Variants in TPD52 observed in about 807,000 individuals in gnomAD.
TPD52 encodes the protein prostate and colon associated protein.
A neutral mutation model predicts 31.3 loss-of-function variants in TPD52; 17 were observed. That is an observed-to-expected ratio of 0.54 (90% CI 0.37 to 0.82). TPD52 has a LOEUF of 0.82. Ranked by LOEUF, TPD52 falls within the 40% of genes least tolerant of loss-of-function variation. The pLI, the probability that TPD52 is intolerant of heterozygous loss-of-function variation, is 0.00. For missense variants in TPD52, 212 were observed against 240.1 expected (o/e 0.88, Z 0.77); for synonymous variants, 83 against 89.6 (o/e 0.93, Z 0.42).
chr8:80,101,015 C>T (rs1806690133), intron 1 of TPD52, among the ~76,000 whole-genome samples: 1 of 152,198 alleles, frequency 6.6e-6, no homozygotes, highest in Admixed American at 6.5e-5. Flanking sequence ...TTCCTGAGCT[C>T]AGAGTGTTGC....
At chr8:80,071,283 T>C (rs897179735) in intron 1 of TPD52, among the ~76,000 whole-genome samples, 3 of 152,166 alleles carry the variant, frequency 2.0e-5, no homozygotes, top group Non-Finnish European at 2.9e-5. Flanking sequence ...ACTAGTTGGT[T>C]GATCTTCTTT....
At chr8:80,072,900 C>T (rs1408229431) in intron 1 of TPD52, among the ~76,000 whole-genome samples, 9 of 151,640 alleles carry the variant, frequency 5.9e-5, no homozygotes, top group Non-Finnish European at 7.4e-5. Flanking sequence ...GCCAGGAATT[C>T]GAGACCAGCC....
In TPD52 at chr8:80,077,552, C is replaced by G. The variant is rs955255189; in HGVS notation, c.20-12959G>C. 5.9e-5 allele frequency among the ~76,000 whole-genome samples: 9 copies of G among 152,202 alleles called. No homozygotes were observed. In the South Asian group the frequency reaches 6.2e-4, roughly 11 times the overall value. The stretch of plus-strand genomic sequence containing the variant: ...TAATCTGTTCTATAATATCCATTAC[C>G]AGAGAGGCTGAGATGTTGCGGTCTA... On this transcript the variant is annotated intron_variant, in intron 1 of 7. Transcript: ENST00000518937.
At chr8:80,155,453 G>T (rs1398350736) in intron 1 of TPD52, among the ~76,000 whole-genome samples, 2 of 152,202 alleles carry the variant, frequency 1.3e-5, no homozygotes, top group Admixed American at 6.5e-5. Context: ...GTGTCATGGG[G>T]TGTGAGTGCT....
At chr8:80,059,546 T>C (rs1299228029) in intron 2 of TPD52, among the ~76,000 whole-genome samples, 2 of 151,904 alleles carry the variant, frequency 1.3e-5, no homozygotes, top group Non-Finnish European at 1.5e-5. Context: ...CAACAGTGCA[T>C]TAAGGGTTAA....
At chr8:80,056,552 T>TA (rs1185756032) in intron 2 of TPD52, among the ~76,000 whole-genome samples, 1 of 152,142 alleles carries the variant, frequency 6.6e-6, no homozygotes, top group African/African-American at 2.4e-5. Context: ...AGGACTTAAA[T>TA]AGACATTTCT....
chr8:80,124,803 A>G (rs911720947), intron 1 of TPD52, among the ~76,000 whole-genome samples: 3 of 152,136 alleles, frequency 2.0e-5, no homozygotes, highest in African/African-American at 7.2e-5. Context: ...TTTGACCATT[A>G]AGACAAACAA....
intron 2 of TPD52, among the ~76,000 whole-genome samples, chr8:80,057,817 A>C (rs1812069208): frequency 6.6e-6 from 1 of 152,218 alleles, no homozygotes; most frequent in African/African-American, 2.4e-5. Flanking sequence ...TTTTTTAAAT[A>C]AAAAATTTAA....
intron 5 of TPD52, among the ~76,000 whole-genome samples, chr8:80,045,976 A>C (rs1487423917): frequency 6.6e-6 from 1 of 152,192 alleles, no homozygotes; most frequent in East Asian, 1.9e-4. Flanking sequence ...TGGTAGTATC[A>C]ACAAAATGTG....
intron 1 of TPD52, among the ~76,000 whole-genome samples, chr8:80,162,559 G>A (rs1811430207): frequency 6.6e-6 from 1 of 151,368 alleles, no homozygotes; most frequent in South Asian, 2.1e-4. Flanking sequence ...GGAGTTCAAG[G>A]CTACAATGAG....
chr8:80,137,236 G>A (rs1586372926), intron 1 of TPD52, among the ~76,000 whole-genome samples: 1 of 152,322 alleles, frequency 6.6e-6, no homozygotes, highest in East Asian at 1.9e-4. Flanking sequence ...AATAGACACA[G>A]GGTGATGAAA....
At chr8:80,096,431 A>G (rs1041845056) in intron 1 of TPD52, among the ~76,000 whole-genome samples, 3 of 151,978 alleles carry the variant, frequency 2.0e-5, no homozygotes, top group South Asian at 2.1e-4. Context: ...GCATGTTTAC[A>G]TGTACAGGCA....
intron 1 of TPD52, among the ~76,000 whole-genome samples, chr8:80,094,850 T>C (rs1372821925): frequency 6.6e-6 from 1 of 152,044 alleles, no homozygotes; most frequent in Non-Finnish European, 1.5e-5. Flanking sequence ...CCTGAAAATA[T>C]AAGCAAGACC....
chr8:80,154,113 G>A (rs1195811650), intron 1 of TPD52, among the ~76,000 whole-genome samples: 2 of 152,214 alleles, frequency 1.3e-5, no homozygotes, highest in Non-Finnish European at 2.9e-5. Flanking sequence ...ATAAGGTTAT[G>A]AAGTAGGAGT....
At position 80,106,549 on chromosome 8, in the gene TPD52, G is replaced by T. The variant is rs192967083; in HGVS notation, c.20-41956C>A. ...TTTTTTGTAGTTTTAGTAGAGAGGG[G>T]GTTTCACCGTGTTAGCCAGGATGGT... is the stretch of plus-strand genomic sequence containing the variant. On this transcript the variant is annotated intron_variant, in intron 1 of 7. Coordinates refer to ENST00000518937, the MANE Select transcript of TPD52 (RefSeq NM_001025253.3). 1.3e-3 allele frequency among the ~76,000 whole-genome samples: 193 copies of T among 151,944 alleles called. 1 individual carries two copies. The highest frequency in any genetic ancestry group is 2.1e-3 in the Admixed American group (32 of 15,258).
intron 5 of TPD52, among the ~76,000 whole-genome samples, chr8:80,045,591 G>T (rs1810765623): frequency 6.6e-6 from 1 of 152,196 alleles, no homozygotes; most frequent in Non-Finnish European, 1.5e-5. Context: ...AGTTCCCAAA[G>T]AAAGAATCGA....
At chr8:80,160,055 G>A (rs1018835041) in intron 1 of TPD52, among the ~76,000 whole-genome samples, 4 of 152,208 alleles carry the variant, frequency 2.6e-5, no homozygotes, top group African/African-American at 9.6e-5. Context: ...GCCAGGCATG[G>A]TGGTGTGCGC....
chr8:80,128,474 A>C (rs1048169811), intron 1 of TPD52, among the ~76,000 whole-genome samples: 2 of 134,464 alleles, frequency 1.5e-5, no homozygotes, highest in Non-Finnish European at 3.1e-5. Context: ...CCTGAGCAAC[A>C]CAAGGAGACC....
chr8:80,050,222 C>G (rs979150744), intron 5 of TPD52: 11 of 399,796 alleles, frequency 2.8e-5, no homozygotes, highest in Non-Finnish European at 4.9e-5. Context: ...TTCCATATCC[C>G]TTGAACCACA....
Sources: gnomAD v4.1 joint callset for allele counts (sites outside exome capture counted in the v4.1 genomes callset) on GRCh38, gnomAD v4.1.1 for gene constraint, MANE v1.5 for transcripts, NCBI Gene and HGNC (gene_info 2026-07-23, HGNC 2026-07-21) for gene names.